Variants in ANKRD11 observed in about 807,000 individuals in gnomAD.
The protein encoded by ANKRD11 is ankyrin repeat domain-containing protein 11.
ANKRD11 carries 17 observed loss-of-function variants against 195.7 expected under a neutral mutation model. The observed-to-expected ratio is 0.09, with a 90% CI of 0.06 to 0.13. The LOEUF is 0.13. Ranked by LOEUF, ANKRD11 falls within the 10% of genes least tolerant of loss-of-function variation. ANKRD11 has a pLI of 1.00. For synonymous variants in ANKRD11, 1,953 were observed against 1,528.1 expected (o/e 1.28, Z -6.49); for missense variants, 3,735 against 3,566.1 (o/e 1.05, Z -1.21).
chr16:89,288,606 A>G lies in ANKRD11; in HGVS notation c.666T>C (p.Ala222=). 6.2e-7 allele frequency: 1 copy of G among 1,614,134 alleles called. No homozygotes were observed. The highest frequency in any genetic ancestry group is 8.5e-7 in the Non-Finnish European group (1 of 1,180,022). Reference sequence around the variant, plus strand: ...CCTTGGTGTTCACCTCCGCACCTGCAGCCAGCAGCTGCTTCGCGACGTCGT... The same window carrying G: ...CCTTGGTGTTCACCTCCGCACCTGCGGCCAGCAGCTGCTTCGCGACGTCGT... The part of the protein sequence containing the change: ...GYYDVAKQLL[A]AGAEVNTKGL... Residue 222 remains alanine (A), a synonymous_variant, in exon 7 of 13, where the codon GCT becomes GCC. Transcript: ENST00000301030.
intron 2 of ANKRD11, among the ~76,000 whole-genome samples, chr16:89,340,528 G>T (rs1332237144): frequency 6.6e-6 from 1 of 152,178 alleles, no homozygotes; most frequent in Non-Finnish European, 1.5e-5. Flanking sequence ...ACCTGCCTCG[G>T]CCTCCCAAAG....
rs867267565 is a variant in ANKRD11, at chr16:89,457,085, A to G, written c.-145+33160T>C. Among the ~76,000 whole-genome samples the G allele has an allele frequency of 3.3e-4, 48 of 146,472 alleles. 1 individual carries two copies. The highest frequency in any genetic ancestry group is 3.6e-3 in the Middle Eastern group (1 of 280). On this transcript the variant is annotated intron_variant, in intron 1 of 12. Transcript: ENST00000301030. ...CGCCATTCTCCTGCCTCAGCCTCCCAAGTAGCTGGGACTACAGGCGCCCGC... is the reference window on the plus strand; with the variant it reads ...CGCCATTCTCCTGCCTCAGCCTCCCGAGTAGCTGGGACTACAGGCGCCCGC...
intron 2 of ANKRD11, among the ~76,000 whole-genome samples, chr16:89,403,361 T>G (rs1006172384): frequency 6.6e-6 from 1 of 151,992 alleles, no homozygotes; most frequent in Non-Finnish European, 1.5e-5. Context: ...TGGAAGAACA[T>G]GGAGGAGCTC....
chr16:89,332,144 A>C (rs2038100511), intron 2 of ANKRD11, among the ~76,000 whole-genome samples: 1 of 152,148 alleles, frequency 6.6e-6, no homozygotes, highest in African/African-American at 2.4e-5. Flanking sequence ...AAAAGATAAT[A>C]ATCTTAAAAG....
chr16:89,480,075 C>G (rs184545714), intron 1 of ANKRD11, among the ~76,000 whole-genome samples: 1 of 151,316 alleles, frequency 6.6e-6, no homozygotes, highest in East Asian at 1.9e-4. Context: ...CGTGTCATTG[C>G]ACTCCAGCCT....
chr16:89,424,895 G>A lies in ANKRD11; in HGVS notation c.-144-6527C>T, dbSNP rs114453852. Among the ~76,000 whole-genome samples, 1,005 of 152,160 alleles carry A rather than the reference G, an allele frequency of 6.6e-3. 17 individuals carry two copies. The highest frequency in any genetic ancestry group is 0.022 in the African/African-American group (933 of 41,500). On this transcript the variant is annotated intron_variant, in intron 1 of 12. Transcript: ENST00000301030. ...ATCAATCTCTCTCTCTAACACACAC[G>A]TACAAGTAAACTTCAGGCAACCTGA...
intron 2 of ANKRD11, among the ~76,000 whole-genome samples, chr16:89,332,379 CTG>C (rs1358539232): frequency 6.6e-6 from 1 of 152,234 alleles, no homozygotes; most frequent in Non-Finnish European, 1.5e-5. Flanking sequence ...GAAAGAAACA[CTG>C]AGCCCCCCAA....
At chr16:89,443,258 C>T (rs547183113) in intron 1 of ANKRD11, 1 of 152,316 alleles carries the variant, frequency 6.6e-6, no homozygotes, top group Non-Finnish European at 1.5e-5. Flanking sequence ...AGCCACCTCA[C>T]CCGGCCTCAA....
intron 2 of ANKRD11, chr16:89,395,586 T>G (rs1199421052): frequency 6.6e-6 from 1 of 152,258 alleles, no homozygotes; most frequent in Non-Finnish European, 1.5e-5. Context: ...ATTGGAACCC[T>G]CTGAAACTGC....
chr16:89,339,820 G>A (rs144030720), intron 2 of ANKRD11: 197 of 152,288 alleles, frequency 1.3e-3, no homozygotes, highest in African/African-American at 4.3e-3. Context: ...GCTCCTCAGC[G>A]TCGATCTGAT....
At chr16:89,377,875 A>C (rs1213613216) in intron 2 of ANKRD11, among the ~76,000 whole-genome samples, 1 of 151,722 alleles carries the variant, frequency 6.6e-6, no homozygotes, top group African/African-American at 2.4e-5. Flanking sequence ...CCGCCCCATG[A>C]GAACAGCATG....
chr16:89,428,276 A>G (rs1254953887), intron 1 of ANKRD11, among the ~76,000 whole-genome samples: 2 of 152,202 alleles, frequency 1.3e-5, no homozygotes, highest in Admixed American at 6.5e-5. Flanking sequence ...CTATAATCCC[A>G]GCACTTTGGG....
intron 2 of ANKRD11, among the ~76,000 whole-genome samples, chr16:89,321,452 G>A (rs918681491): frequency 2.9e-5 from 4 of 137,792 alleles, no homozygotes; most frequent in African/African-American, 6.8e-5. Context: ...GTGTGGGGCG[G>A]GAGCTGCGGG....
chr16:89,429,142 T>TCA (rs2042861918), intron 1 of ANKRD11, among the ~76,000 whole-genome samples: 13 of 150,140 alleles, frequency 8.7e-5, no homozygotes, highest in African/African-American at 3.2e-4. Flanking sequence ...CTCTCAACTC[T>TCA]CGCGCTCAGA....
chr16:89,281,032 G>C lies in ANKRD11; in HGVS notation c.5510C>G (p.Pro1837Arg). 1 of 1,596,538 alleles carries C rather than the reference G, an allele frequency of 6.3e-7. No homozygotes were observed. Among genetic ancestry groups the C allele is most frequent in the Non-Finnish European group, 8.5e-7 (1 of 1,169,610 alleles). Residue 1837 changes from proline (P) to arginine (R), a missense_variant, in exon 9 of 13, where the codon CCG (proline) becomes CGG (arginine). Physicochemically the swap from Pro to Arg is moderately radical, Grantham distance 103. Transcript: ENST00000301030. This position sits in a 1 kb window ranked among gnomAD's most constrained non-coding sequence, Gnocchi z 5.5. ...GCAGGCAAACTTCTCCGCGGGAACC[G>C]GGGGCAGGGGCGCCCTGTCTTCCAT... is the stretch of plus-strand genomic sequence containing the variant. ...PSMEDRAPLP[P>R]VPAEKFACLS...
intron 2 of ANKRD11, among the ~76,000 whole-genome samples, chr16:89,346,079 TAAC>T (rs991476691): frequency 6.7e-6 from 1 of 149,762 alleles, no homozygotes; most frequent in Non-Finnish European, 1.5e-5. Flanking sequence ...CTGTCTCCAC[TAAC>T]AACACAAAAA....
chr16:89,275,826 G>A (rs773457154), intron 9 of ANKRD11, among the ~76,000 whole-genome samples: 3 of 152,160 alleles, frequency 2.0e-5, no homozygotes, highest in Non-Finnish European at 4.4e-5. Flanking sequence ...AAGTGAATGA[G>A]GAAGTAAAGA....
intron 1 of ANKRD11, among the ~76,000 whole-genome samples, chr16:89,424,627 C>T (rs1330199212): frequency 6.6e-6 from 1 of 151,996 alleles, no homozygotes; most frequent in Non-Finnish European, 1.5e-5. Flanking sequence ...AGCAAAAAGG[C>T]CAATCGAAAA....
At chr16:89,361,871 C>T (rs1039532252) in intron 2 of ANKRD11, among the ~76,000 whole-genome samples, 7 of 152,152 alleles carry the variant, frequency 4.6e-5, no homozygotes, top group African/African-American at 1.7e-4. Flanking sequence ...CTAGATAAGA[C>T]CTTCAAAACA....
Sources: gnomAD v4.1 joint callset for allele counts (sites outside exome capture counted in the v4.1 genomes callset) on GRCh38, gnomAD v4.1.1 for gene constraint, Gnocchi (gnomAD v3.1) non-coding constraint, MANE v1.5 for transcripts, NCBI Gene and HGNC (gene_info 2026-07-23, HGNC 2026-07-21) for gene names.